The following SLC35F1 variants were observed in gnomAD, a reference collection of about 807,000 sequenced individuals.
SLC35F1 encodes chromosome 6 open reading frame 169.
SLC35F1 carries 14 observed loss-of-function variants against 48.7 expected under a neutral mutation model. The ratio of observed to expected loss-of-function variants is 0.29; its 90% CI spans 0.19 to 0.45. The LOEUF (loss-of-function observed/expected upper bound fraction) is 0.45. SLC35F1 is among the 20% of genes least tolerant of loss of function. The probability of loss-of-function intolerance (pLI) is 1.00; values close to 1 mark genes in which losing one functional copy is unlikely to be tolerated. For synonymous variants in SLC35F1, 190 were observed against 202.2 expected (o/e 0.94, Z 0.51); for missense variants, 404 against 500.0 (o/e 0.81, Z 1.83).
At chr6:117,908,467 G>C (rs539037382) in intron 1 of SLC35F1, among the ~76,000 whole-genome samples, 77 of 152,358 alleles carry the variant, frequency 5.1e-4, no homozygotes, top group African/African-American at 1.8e-3. Context: ...ACTCTTCCTG[G>C]CTGGGAGCAG....
At chr6:118,072,739 G>A (rs1772753488) in intron 1 of SLC35F1, among the ~76,000 whole-genome samples, 1 of 152,274 alleles carries the variant, frequency 6.6e-6, no homozygotes. Context: ...TTCTGTGTAT[G>A]TATGTTGAAT....
chr6:118,157,029 T>C (rs559907369), intron 2 of SLC35F1, among the ~76,000 whole-genome samples: 1 of 152,366 alleles, frequency 6.6e-6, no homozygotes, highest in African/African-American at 2.4e-5. Flanking sequence ...TGAGCCTTTA[T>C]AATGCACTAG....
intron 3 of SLC35F1, among the ~76,000 whole-genome samples, chr6:118,243,940 C>T (rs1775472213): frequency 1.3e-5 from 2 of 152,180 alleles, no homozygotes; most frequent in Non-Finnish European, 2.9e-5. Context: ...AAAGTGCTTG[C>T]CCCCAAAGGG....
At chr6:117,999,580 A>G in intron 1 of SLC35F1, 1 of 660,022 alleles carries the variant, frequency 1.5e-6, no homozygotes, top group Non-Finnish European at 2.5e-6. Context: ...AAAAAAAAAA[A>G]AAGAAATACC....
intron 1 of SLC35F1, among the ~76,000 whole-genome samples, chr6:118,109,897 G>A (rs748544073): frequency 6.6e-6 from 1 of 152,102 alleles, no homozygotes; most frequent in East Asian, 1.9e-4. Context: ...TTCATTCAGC[G>A]CATAATTATT....
intron 1 of SLC35F1, among the ~76,000 whole-genome samples, chr6:117,918,040 A>G (rs569588364): frequency 6.6e-6 from 1 of 152,292 alleles, no homozygotes; most frequent in African/African-American, 2.4e-5. Context: ...AAGGACAGAT[A>G]AATGACCAGT....
chr6:118,245,571 C>T (rs1034824147), intron 3 of SLC35F1, among the ~76,000 whole-genome samples: 9 of 152,148 alleles, frequency 5.9e-5, no homozygotes, highest in African/African-American at 1.2e-4. Context: ...CTCCCACCTG[C>T]GCTTGATTCT....
chr6:117,923,638 C>CATATATACATATGTATATATACAT lies in SLC35F1; in HGVS notation c.173+15743_173+15744insATACATATGTATATATACATATAT, dbSNP rs1562238569. On this transcript the variant is annotated intron_variant, in intron 1 of 7. Coordinates refer to ENST00000360388, the MANE Select transcript of SLC35F1 (RefSeq NM_001029858.4). ...ACATATGTATATATACATATATGTA[C>CATATATACATATGTATATATACAT]ATATGTACATATGTACATATGTATA... 9.8e-5 allele frequency among the ~76,000 whole-genome samples: 5 copies of CATATATACATATGTATATATACAT among 50,964 alleles called. 1 individual carries two copies. The highest frequency in any genetic ancestry group is 2.7e-4 in the Admixed American group (1 of 3,714). The allele number at this position is 50,964 out of a possible 152,430, so 33.4% of individuals were successfully genotyped here.
intron 1 of SLC35F1, among the ~76,000 whole-genome samples, chr6:118,000,675 G>A (rs1777078510): frequency 6.6e-6 from 1 of 152,220 alleles, no homozygotes; most frequent in Non-Finnish European, 1.5e-5. Flanking sequence ...GTTTGCAGAT[G>A]ACATGATAGT....
intron 7 of SLC35F1, among the ~76,000 whole-genome samples, chr6:118,293,118 T>C (rs1776144954): frequency 6.6e-6 from 1 of 152,158 alleles, no homozygotes. Flanking sequence ...TATCATCTTA[T>C]AAGTATTGTA....
At chr6:118,012,567 C>G (rs1777264556) in intron 1 of SLC35F1, among the ~76,000 whole-genome samples, 1 of 152,152 alleles carries the variant, frequency 6.6e-6, no homozygotes, top group African/African-American at 2.4e-5. Context: ...TTTATGCTTG[C>G]TAACTTGCTA....
chr6:118,158,077 G>C (rs187115899), intron 2 of SLC35F1, among the ~76,000 whole-genome samples: 36 of 152,260 alleles, frequency 2.4e-4, no homozygotes, highest in African/African-American at 7.9e-4. Flanking sequence ...TCTGACTACC[G>C]ATACCAGTCT....
At chr6:118,285,089 A>G (rs1012774142) in intron 6 of SLC35F1, 95 bp from the exon 7 acceptor site, 2 of 1,311,544 alleles carry the variant, frequency 1.5e-6, no homozygotes, top group African/African-American at 2.9e-5. Context: ...TGTGAGTGAC[A>G]AGTGGTGTGC....
chr6:117,951,486 G>C (rs1776362452), intron 1 of SLC35F1, among the ~76,000 whole-genome samples: 1 of 152,204 alleles, frequency 6.6e-6, no homozygotes, highest in South Asian at 2.1e-4. Context: ...TAGTAGAATT[G>C]AGTGATGTGG....
intron 2 of SLC35F1, among the ~76,000 whole-genome samples, chr6:118,158,345 G>GA (rs2114475315): frequency 6.6e-6 from 1 of 152,294 alleles, no homozygotes; most frequent in East Asian, 1.9e-4. Context: ...TCAGGCACCT[G>GA]AAAATTTGGG....
chr6:118,247,251 C>T (rs1385633882), intron 3 of SLC35F1, among the ~76,000 whole-genome samples: 2 of 152,158 alleles, frequency 1.3e-5, no homozygotes, highest in Non-Finnish European at 2.9e-5. Flanking sequence ...GGTTAGGAAA[C>T]CCACATTCCA....
chr6:118,271,346 T>C (rs1419834165), intron 4 of SLC35F1, among the ~76,000 whole-genome samples: 2 of 152,196 alleles, frequency 1.3e-5, no homozygotes, highest in East Asian at 1.9e-4. Context: ...TATTTTTCCA[T>C]AATTGTGACT....
chr6:118,260,327 A>T (rs1407539564), intron 3 of SLC35F1, among the ~76,000 whole-genome samples: 2 of 152,140 alleles, frequency 1.3e-5, no homozygotes. Flanking sequence ...TCATGAATAC[A>T]CTAAAAACCA....
intron 1 of SLC35F1, among the ~76,000 whole-genome samples, chr6:118,001,098 A>G (rs1777086429): frequency 6.6e-6 from 1 of 152,160 alleles, no homozygotes; most frequent in East Asian, 1.9e-4. Context: ...GGAAAAAACT[A>G]TTTTAAAGTT....
Sources: gnomAD v4.1 joint callset for allele counts (sites outside exome capture counted in the v4.1 genomes callset) on GRCh38, gnomAD v4.1.1 for gene constraint, MANE v1.5 for transcripts, NCBI Gene and HGNC (gene_info 2026-07-23, HGNC 2026-07-21) for gene names.